The following QTMAN variants were observed in gnomAD, a reference collection of about 807,000 sequenced individuals.
QTMAN encodes the protein queuosine-tRNA mannosyltransferase, also known as tRNA-queuosine alpha-mannosyltransferase.
chr2:143,961,999 G>C, the QTMAN span, among the ~76,000 whole-genome samples: 1 of 152,118 alleles, frequency 6.6e-6, no homozygotes, highest in Non-Finnish European at 1.5e-5. Flanking sequence ...CCTCATCCTT[G>C]TTAGGGTATC....
the QTMAN span, among the ~76,000 whole-genome samples, chr2:144,306,286 CA>C: frequency 6.6e-6 from 1 of 152,174 alleles, no homozygotes; most frequent in Non-Finnish European, 1.5e-5. Context: ...CAAAATCTGA[CA>C]AAGACATTAC....
At chr2:144,065,181 C>G in the QTMAN span, among the ~76,000 whole-genome samples, 2 of 152,152 alleles carry the variant, frequency 1.3e-5, no homozygotes, top group African/African-American at 4.8e-5. Context: ...ATGACCTGTG[C>G]TCTACCGAAC....
the QTMAN span, among the ~76,000 whole-genome samples, chr2:144,148,722 A>C: frequency 6.6e-6 from 1 of 151,950 alleles, no homozygotes; most frequent in Non-Finnish European, 1.5e-5. Context: ...TCAACCCTAA[A>C]GTTCAGCCTT....
the QTMAN span, among the ~76,000 whole-genome samples, chr2:144,321,944 T>C: frequency 2.0e-5 from 3 of 152,096 alleles, no homozygotes; most frequent in Non-Finnish European, 4.4e-5. Context: ...TCACAACCAA[T>C]AGAGTGGTAT....
At chr2:144,102,368 T>C in the QTMAN span, among the ~76,000 whole-genome samples, 1 of 152,238 alleles carries the variant, frequency 6.6e-6, no homozygotes, top group South Asian at 2.1e-4. Context: ...ATATGCATGT[T>C]TGAGGCTTAC....
the QTMAN span, among the ~76,000 whole-genome samples, chr2:144,097,631 G>GA: frequency 6.6e-6 from 1 of 152,062 alleles, no homozygotes; most frequent in Non-Finnish European, 1.5e-5. Flanking sequence ...CAATAATATA[G>GA]GTGCTGAATA....
At chr2:144,241,272 G>A in the QTMAN span, among the ~76,000 whole-genome samples, 1 of 152,172 alleles carries the variant, frequency 6.6e-6, no homozygotes, top group Non-Finnish European at 1.5e-5. Flanking sequence ...GATGCACTAT[G>A]TTTGAAAAAC....
At chr2:144,120,571 A>G in the QTMAN span, among the ~76,000 whole-genome samples, 1 of 152,242 alleles carries the variant, frequency 6.6e-6, no homozygotes, top group East Asian at 1.9e-4. Flanking sequence ...AGCTATGATG[A>G]CAGTTATGAA....
the QTMAN span, among the ~76,000 whole-genome samples, chr2:144,013,384 G>A: frequency 6.6e-6 from 1 of 152,136 alleles, no homozygotes; most frequent in Non-Finnish European, 1.5e-5. Context: ...GGCCCTAGGA[G>A]GTGCACAGCC....
chr2:144,283,015 A>G, the QTMAN span, among the ~76,000 whole-genome samples: 2 of 151,662 alleles, frequency 1.3e-5, no homozygotes, highest in African/African-American at 4.8e-5. Context: ...TGCGCCCAGG[A>G]CCCTTCCAGA....
chr2:144,009,546 T>G, the QTMAN span, among the ~76,000 whole-genome samples: 1 of 152,110 alleles, frequency 6.6e-6, no homozygotes, highest in African/African-American at 2.4e-5. Context: ...ATTTCTATTC[T>G]AATTTCAAAT....
the QTMAN span, among the ~76,000 whole-genome samples, chr2:144,266,154 G>A: frequency 6.6e-6 from 1 of 152,186 alleles, no homozygotes; most frequent in Non-Finnish European, 1.5e-5. Flanking sequence ...CAAGAGCAGA[G>A]TTCACTGTGG....
chr2:144,261,459 A>G, the QTMAN span, among the ~76,000 whole-genome samples: 2 of 152,192 alleles, frequency 1.3e-5, no homozygotes. Context: ...AATGGGGGAA[A>G]GCCCAGATAA....
the QTMAN span, among the ~76,000 whole-genome samples, chr2:144,194,524 G>C: frequency 2.6e-5 from 4 of 152,320 alleles, no homozygotes; most frequent in African/African-American, 9.6e-5. Context: ...GCTAATATTT[G>C]TAAGTTGGGA....
chr2:144,073,612 C>T, the QTMAN span, among the ~76,000 whole-genome samples: 1 of 152,176 alleles, frequency 6.6e-6, no homozygotes, highest in Non-Finnish European at 1.5e-5. Context: ...AGGGTCTCCC[C>T]TCCTGCTCCA....
chr2:144,105,557 A>G, the QTMAN span, among the ~76,000 whole-genome samples: 6 of 152,350 alleles, frequency 3.9e-5, no homozygotes, highest in East Asian at 1.2e-3. Context: ...TCAGAGAAAA[A>G]TGAATCAAAA....
chr2:144,272,855 T>C, the QTMAN span, among the ~76,000 whole-genome samples: 1 of 152,146 alleles, frequency 6.6e-6, no homozygotes, highest in East Asian at 1.9e-4. Flanking sequence ...ATTTTAGCTA[T>C]AAAGACATAG....
chr2:143,952,172 C>A, the QTMAN span: 2 of 714,046 alleles, frequency 2.8e-6, no homozygotes, highest in Non-Finnish European at 2.5e-6. Flanking sequence ...TTGCTCTGTG[C>A]CGCCTCGTGT....
chr2:144,205,204 T>C, the QTMAN span, among the ~76,000 whole-genome samples: 1 of 152,114 alleles, frequency 6.6e-6, no homozygotes, highest in Admixed American at 6.6e-5. Flanking sequence ...AGACTTGAAC[T>C]CAAATCACAT....
Sources: gnomAD v4.1 joint callset for allele counts (sites outside exome capture counted in the v4.1 genomes callset) on GRCh38, gnomAD v4.1.1 for gene constraint, MANE v1.5 for transcripts, NCBI Gene and HGNC (gene_info 2026-07-23, HGNC 2026-07-21) for gene names.